LRP1B: variants seen among roughly 807,000 people sequenced by gnomAD.
LRP1B encodes the protein low-density lipoprotein receptor-related protein 1B.
Under a neutral mutation model 556.6 loss-of-function variants are expected in LRP1B, and 217 were observed. That is an observed-to-expected ratio of 0.39 (90% CI 0.35 to 0.44). LRP1B has a LOEUF of 0.44. Among genes scored for constraint, LRP1B ranks in the 20% least tolerant of loss-of-function variants. The pLI, the probability that LRP1B is intolerant of heterozygous loss-of-function variation, is 1.00. For missense variants in LRP1B, 5,053 were observed against 5,620.8 expected (o/e 0.90, Z 3.23); for synonymous variants, 2,047 against 1,865.8 (o/e 1.10, Z -2.50).
intron 21 of LRP1B, among the ~76,000 whole-genome samples, chr2:140,915,446 C>T (rs1161032283): frequency 1.3e-5 from 2 of 150,942 alleles, no homozygotes; most frequent in South Asian, 2.1e-4. Flanking sequence ...GTAAGGAGTT[C>T]GAGAACAGCC....
intron 2 of LRP1B, among the ~76,000 whole-genome samples, chr2:141,591,123 C>T (rs1339885171): frequency 1.3e-5 from 2 of 152,170 alleles, no homozygotes; most frequent in African/African-American, 4.8e-5. Flanking sequence ...GCGAATTAAC[C>T]TGAGGCAGCT....
intron 1 of LRP1B, among the ~76,000 whole-genome samples, chr2:141,865,129 T>A (rs1698364165): frequency 6.6e-6 from 1 of 152,156 alleles, no homozygotes; most frequent in South Asian, 2.1e-4. Context: ...AGAAGCAATA[T>A]TTATCTTTCT....
intron 3 of LRP1B, among the ~76,000 whole-genome samples, chr2:141,446,813 A>T (rs573235453): frequency 1.8e-4 from 28 of 152,310 alleles, no homozygotes; most frequent in African/African-American, 5.8e-4. Flanking sequence ...CTTTGTGGGT[A>T]ACGCAACCTT....
chr2:140,587,093 G>T (rs1420653158), intron 43 of LRP1B, among the ~76,000 whole-genome samples: 3 of 152,066 alleles, frequency 2.0e-5, no homozygotes, highest in Non-Finnish European at 4.4e-5. Flanking sequence ...AAACTCAACA[G>T]CAGAATGGAG....
At chr2:140,250,998 GTAAT>G (rs1292364414) in intron 86 of LRP1B, among the ~76,000 whole-genome samples, 1 of 151,562 alleles carries the variant, frequency 6.6e-6, no homozygotes, top group Non-Finnish European at 1.5e-5. Flanking sequence ...TTTATTTTTT[GTAAT>G]TAATTCTCAT....
chr2:140,644,567 T>A (rs1684413183), intron 41 of LRP1B, among the ~76,000 whole-genome samples: 1 of 151,988 alleles, frequency 6.6e-6, no homozygotes, highest in Non-Finnish European at 1.5e-5. Flanking sequence ...CTGGCTAATT[T>A]TTGCATTTCT....
intron 80 of LRP1B, among the ~76,000 whole-genome samples, chr2:140,324,874 T>C (rs996592180): frequency 1.3e-5 from 2 of 149,472 alleles, no homozygotes; most frequent in African/African-American, 5.0e-5. Flanking sequence ...TCTGAACTTT[T>C]TTTTTTTTTT....
At chr2:141,887,450 CTG>C (rs1699161949) in intron 1 of LRP1B, among the ~76,000 whole-genome samples, 2 of 152,140 alleles carry the variant, frequency 1.3e-5, no homozygotes, top group Admixed American at 1.3e-4. Flanking sequence ...TCCTGTGACA[CTG>C]TGTTGTCTTC....
intron 2 of LRP1B, among the ~76,000 whole-genome samples, chr2:141,705,459 A>C (rs1172638234): frequency 6.6e-6 from 1 of 151,962 alleles, no homozygotes; most frequent in East Asian, 1.9e-4. Flanking sequence ...AAAATCATGA[A>C]GGTAGGTCAC....
chr2:141,933,764 T>C (rs1458886078), intron 1 of LRP1B, among the ~76,000 whole-genome samples: 2 of 152,168 alleles, frequency 1.3e-5, no homozygotes, highest in Non-Finnish European at 2.9e-5. Flanking sequence ...TTACTTTAAA[T>C]TAGTTCTATG....
intron 7 of LRP1B, among the ~76,000 whole-genome samples, chr2:141,150,644 A>C (rs1258736051): frequency 6.6e-6 from 1 of 152,130 alleles, no homozygotes; most frequent in Non-Finnish European, 1.5e-5. Flanking sequence ...ATGTGAAAAA[A>C]AGTAATGAAT....
intron 5 of LRP1B, among the ~76,000 whole-genome samples, chr2:141,241,938 A>G (rs1683893350): frequency 1.3e-5 from 2 of 151,534 alleles, no homozygotes; most frequent in South Asian, 4.1e-4. Context: ...CTAAAAAATA[A>G]TGTAAAAAAA....
chr2:140,239,132 C>T (rs1003659757), intron 88 of LRP1B, among the ~76,000 whole-genome samples: 1 of 150,712 alleles, frequency 6.6e-6, no homozygotes, highest in Non-Finnish European at 1.5e-5. Flanking sequence ...AAAAGATGCT[C>T]CTCAGAGACC....
chr2:142,126,266 C>CT (rs148163202), intron 1 of LRP1B, among the ~76,000 whole-genome samples: 19,398 of 148,308 alleles, frequency 0.13, 1,401 homozygotes, highest in Non-Finnish European at 0.14. Context: ...TTTCATTTCA[C>CT]TTTTTTTTTT....
intron 7 of LRP1B, among the ~76,000 whole-genome samples, chr2:141,088,467 G>C (rs1439874626): frequency 6.6e-6 from 1 of 152,022 alleles, no homozygotes; most frequent in African/African-American, 2.4e-5. Flanking sequence ...GAAAATGACG[G>C]CTTGAGACCA....
At chr2:140,755,763 C>G (rs1688723500) in intron 35 of LRP1B, among the ~76,000 whole-genome samples, 1 of 151,952 alleles carries the variant, frequency 6.6e-6, no homozygotes, top group South Asian at 2.1e-4. Flanking sequence ...AAGATCAAGA[C>G]TAGAACAAGA....
At chr2:141,038,211 A>G (rs543365449) in intron 11 of LRP1B, among the ~76,000 whole-genome samples, 127 of 152,180 alleles carry the variant, frequency 8.3e-4, no homozygotes, top group Non-Finnish European at 1.6e-3. Context: ...AATGCAACAA[A>G]TACGCCCTCC....
rs143661527 is a variant in LRP1B, at chr2:140,784,376, CCACACACACACA to C, written c.5360-8150_5360-8139del. On this transcript the variant is annotated intron_variant, in intron 32 of 90. Transcript: ENST00000389484. The stretch of plus-strand genomic sequence containing the variant: ...AAGAGATAATTGGAGGATTCTGCCT[CCACACACACACA>C]CACACACACACACACACACACACAC... 9.3e-3 allele frequency among the ~76,000 whole-genome samples: 1,176 copies of C among 126,678 alleles called. 4 individuals carry two copies. The highest frequency in any genetic ancestry group is 0.014 in the Non-Finnish European group (863 of 61,548). 83.1% of individuals were successfully genotyped at this position (126,678 alleles called of 152,430 possible).
chr2:141,416,093 C>A (rs1691090622), intron 3 of LRP1B, among the ~76,000 whole-genome samples: 1 of 152,084 alleles, frequency 6.6e-6, no homozygotes, highest in South Asian at 2.1e-4. Flanking sequence ...TCAAGAGAAA[C>A]ATGAAAAATT....
Sources: allele counts gnomAD v4.1 joint callset (sites outside exome capture counted in the v4.1 genomes callset), GRCh38; gene constraint gnomAD v4.1.1; transcripts MANE v1.5; gene names NCBI Gene and HGNC (gene_info 2026-07-23, HGNC 2026-07-21).